Variants in C9orf153 observed in about 807,000 individuals in gnomAD.
The protein encoded by C9orf153 is uncharacterized protein C9orf153.
In C9orf153, 10 loss-of-function variants were observed where a neutral mutation model predicts 9.0. That is an observed-to-expected ratio of 1.11 (90% CI 0.69 to 1.89). The LOEUF (loss-of-function observed/expected upper bound fraction) is 1.89. Among genes scored for constraint, C9orf153 ranks in the 40% most tolerant of loss-of-function variants. The pLI, the probability that C9orf153 is intolerant of heterozygous loss-of-function variation, is 0.00. For synonymous variants in C9orf153, 35 were observed against 37.3 expected, an observed-to-expected ratio of 0.94 and a Z score of 0.23; for missense variants, 108 against 111.0, an observed-to-expected ratio of 0.97 and a Z score of 0.12.
chr9:86,258,348 A>AC (rs1056403996), intron 1 of C9orf153: 7 of 151,538 alleles, frequency 4.6e-5, no homozygotes, highest in African/African-American at 1.7e-4. Context: ...TCTCAAAAAA[A>AC]AAAAAAAAAA....
intron 1 of C9orf153, among the ~76,000 whole-genome samples, chr9:86,247,453 G>A (rs925582806): frequency 1.3e-5 from 2 of 152,094 alleles, no homozygotes; most frequent in African/African-American, 4.8e-5. Context: ...AGGCTGAAGC[G>A]GGTGGATTGC....
intron 1 of C9orf153, among the ~76,000 whole-genome samples, chr9:86,235,138 C>T (rs1247415118): frequency 1.2e-4 from 19 of 152,172 alleles, no homozygotes; most frequent in Admixed American, 1.2e-3. Context: ...GGCAAAAAAA[C>T]AGAGTTTGAA....
intron 1 of C9orf153, among the ~76,000 whole-genome samples, chr9:86,232,894 G>A (rs1470701861): frequency 6.6e-5 from 10 of 151,836 alleles, no homozygotes; most frequent in African/African-American, 1.9e-4. Flanking sequence ...CACCACACCC[G>A]GCTAATTTTT....
chr9:86,221,565 T>C lies in C9orf153; in HGVS notation c.*123A>G, dbSNP rs1824203435. 7.3e-7 allele frequency: 1 copy of C among 1,367,256 alleles called. No individual in the cohort carries two copies. Among genetic ancestry groups the C allele is most frequent in the Non-Finnish European group, 9.5e-7 (1 of 1,057,002 alleles). 84.7% of individuals were successfully genotyped at this position (1,367,256 alleles called of 1,614,324 possible). On this transcript the variant is annotated 3_prime_UTR_variant, in exon 4 of 4. Coordinates refer to ENST00000339137, the MANE Select transcript of C9orf153 (RefSeq NM_001276366.4). ...AATTTGAGGATAAATGACCAAAGAC[T>C]TGCGAACTATAGGGGGGAAAATAAC... is the stretch of plus-strand genomic sequence containing the variant.
At chr9:86,225,357 TCC>T (rs1824299554) in intron 3 of C9orf153, among the ~76,000 whole-genome samples, 5 of 151,550 alleles carry the variant, frequency 3.3e-5, no homozygotes, top group African/African-American at 4.8e-5. Flanking sequence ...CTTCCTTCCT[TCC>T]TTCCTTCTTT....
chr9:86,242,707 C>T (rs1824776178), intron 1 of C9orf153, among the ~76,000 whole-genome samples: 1 of 152,146 alleles, frequency 6.6e-6, no homozygotes, highest in Admixed American at 6.5e-5. Flanking sequence ...TAGATGGAGT[C>T]TCACTCTGTC....
intron 1 of C9orf153, among the ~76,000 whole-genome samples, chr9:86,248,414 G>A (rs559863371): frequency 1.3e-5 from 2 of 152,302 alleles, no homozygotes; most frequent in Admixed American, 6.5e-5. Flanking sequence ...GATTACAGGC[G>A]TGAGCCACCG....
intron 1 of C9orf153, among the ~76,000 whole-genome samples, 196 bp downstream of exon 1, chr9:86,259,354 G>A (rs1825196316): frequency 6.6e-6 from 1 of 152,050 alleles, no homozygotes; most frequent in Non-Finnish European, 1.5e-5. Context: ...TGACCTGCCT[G>A]GAGGAAGATG....
rs1824201079 is a variant in C9orf153 at position 86,221,445 on chromosome 9, A to T, written c.*243T>A. 2.1e-6 allele frequency: 2 copies of T among 955,888 alleles called. No individual in the cohort carries two copies. Among genetic ancestry groups the T allele is most frequent in the South Asian group, 3.1e-5 (1 of 32,284 alleles). The allele number at this position is 955,888 out of a possible 1,614,324, so 59.2% of individuals were successfully genotyped here. ...TTGGCTTCTTTACTTTTTGTGTATT[A>T]AATCAATGCTCTCAAAAGCAAAAAT... On this transcript the variant is annotated 3_prime_UTR_variant, in exon 4 of 4. Coordinates refer to ENST00000339137, the MANE Select transcript of C9orf153 (RefSeq NM_001276366.4).
chr9:86,240,793 C>CCA (rs1439614570), intron 1 of C9orf153, among the ~76,000 whole-genome samples: 18 of 147,944 alleles, frequency 1.2e-4, no homozygotes, highest in Admixed American at 4.8e-4. Flanking sequence ...ACTGCAACCT[C>CCA]CACCTCCCGG....
chr9:86,235,135 A>C (rs979931473), intron 1 of C9orf153, among the ~76,000 whole-genome samples: 12 of 152,192 alleles, frequency 7.9e-5, no homozygotes, highest in Admixed American at 3.9e-4. Context: ...TAAGGCAAAA[A>C]AACAGAGTTT....
In C9orf153 at chr9:86,221,559, A is replaced by T; in HGVS notation, c.*129T>A. 2 of 1,358,088 alleles carry T rather than the reference A, an allele frequency of 1.5e-6. No individual in the cohort carries two copies. The highest frequency in any genetic ancestry group is 9.5e-7 in the Non-Finnish European group (1 of 1,052,270). 84.1% of individuals were successfully genotyped at this position (1,358,088 alleles called of 1,614,324 possible). On this transcript the variant is annotated 3_prime_UTR_variant, in exon 4 of 4. Transcript: ENST00000339137. ...ATAATCAATTTGAGGATAAATGACCAAAGACTTGCGAACTATAGGGGGGAA... is the reference window on the plus strand; with the variant it reads ...ATAATCAATTTGAGGATAAATGACCTAAGACTTGCGAACTATAGGGGGGAA...
chr9:86,247,904 G>A (rs1352212310), intron 1 of C9orf153, among the ~76,000 whole-genome samples: 4 of 152,054 alleles, frequency 2.6e-5, no homozygotes, highest in Non-Finnish European at 5.9e-5. Flanking sequence ...TGACGGTCTG[G>A]GGATCATTGG....
At position 86,231,769 on chromosome 9, in the gene C9orf153, T is replaced by A. The variant is rs572206020; in HGVS notation, c.-26-2140A>T. On this transcript the variant is annotated intron_variant, in intron 1 of 3. Transcript: ENST00000339137. ...CACAGACCTGTTTATCTCTAGGCAA[T>A]TACAATGAGACTTGATTGTGCTTTC... 9.0e-4 allele frequency among the ~76,000 whole-genome samples: 137 copies of A among 152,114 alleles called. 2 individuals are homozygous for A. The highest frequency in any genetic ancestry group is 3.5e-4 in the Non-Finnish European group (24 of 68,012).
rs1227441020 is a variant in C9orf153, at chr9:86,244,639, G to A, written c.-27+14911C>T. 2.6e-5 allele frequency among the ~76,000 whole-genome samples: 4 copies of A among 152,168 alleles called. No individual in the cohort carries two copies. The East Asian group carries it at 5.8e-4, about 22-fold the overall frequency. ...CATGTCAGAGTTTAAATGGGAGTGTGTTCTTTCTTGGCGAATGAATACTTA... is the reference window on the plus strand; with the variant it reads ...CATGTCAGAGTTTAAATGGGAGTGTATTCTTTCTTGGCGAATGAATACTTA... On this transcript the variant is annotated intron_variant, in intron 1 of 3. Coordinates refer to ENST00000339137, the MANE Select transcript of C9orf153 (RefSeq NM_001276366.4).
chr9:86,243,324 G>C (rs1420889496), intron 1 of C9orf153, among the ~76,000 whole-genome samples: 1 of 152,082 alleles, frequency 6.6e-6, no homozygotes, highest in Admixed American at 6.5e-5. Flanking sequence ...TGATGATAGA[G>C]AATAAATTAG....
chr9:86,234,714 G>T (rs1824541766), intron 1 of C9orf153, among the ~76,000 whole-genome samples: 1 of 152,178 alleles, frequency 6.6e-6, no homozygotes, highest in Non-Finnish European at 1.5e-5. Context: ...AAATAAGTTG[G>T]ACTTCATCAC....
intron 1 of C9orf153, 75 bp from the exon 2 acceptor site, chr9:86,229,704 C>T: frequency 1.3e-6 from 1 of 794,414 alleles, no homozygotes; most frequent in Non-Finnish European, 2.0e-6. Flanking sequence ...GGAGGTGAGA[C>T]TTCTTAAATC....
intron 3 of C9orf153, among the ~76,000 whole-genome samples, chr9:86,222,566 A>G (rs10512173): frequency 0.014 from 2,191 of 152,212 alleles, 56 homozygotes; most frequent in African/African-American, 0.05. Context: ...TGTCATTAGC[A>G]GTTACAATTC....
Sources: allele counts gnomAD v4.1 joint callset (sites outside exome capture counted in the v4.1 genomes callset), GRCh38; gene constraint gnomAD v4.1.1; transcripts MANE v1.5; gene names NCBI Gene and HGNC (gene_info 2026-07-23, HGNC 2026-07-21).